The following CDK17 variants were observed in gnomAD, a reference collection of about 807,000 sequenced individuals.
CDK17 encodes cyclin-dependent kinase 17.
In CDK17, 24 loss-of-function variants were observed where a neutral mutation model predicts 77.6. The ratio of observed to expected loss-of-function variants is 0.31; its 90% CI spans 0.22 to 0.44. The LOEUF is 0.44. CDK17 is among the 20% of genes least tolerant of loss of function. CDK17 has a pLI of 1.00. For missense variants in CDK17, 429 were observed against 622.5 expected, an observed-to-expected ratio of 0.69 and a Z score of 3.31; for synonymous variants, 203 against 210.4, an observed-to-expected ratio of 0.96 and a Z score of 0.30.
chr12:96,373,834 C>T (rs752198753), intron 1 of CDK17, among the ~76,000 whole-genome samples: 5 of 151,686 alleles, frequency 3.3e-5, no homozygotes, highest in Admixed American at 6.6e-5. Flanking sequence ...GCAGGAGAAT[C>T]GCTTGAACCT....
At chr12:96,398,459 T>G (rs1199163901) in intron 1 of CDK17, among the ~76,000 whole-genome samples, 1 of 152,246 alleles carries the variant, frequency 6.6e-6, no homozygotes, top group Admixed American at 6.5e-5. Flanking sequence ...AAATCTAGTT[T>G]CGTCTTATTT....
chr12:96,357,210 C>A (rs565324883), intron 1 of CDK17, among the ~76,000 whole-genome samples: 5 of 152,132 alleles, frequency 3.3e-5, no homozygotes, highest in African/African-American at 9.7e-5. Flanking sequence ...GGCTATAATT[C>A]CAGCACTTTG....
intron 1 of CDK17, among the ~76,000 whole-genome samples, chr12:96,336,882 C>T (rs1013414236): frequency 2.0e-5 from 3 of 152,112 alleles, no homozygotes; most frequent in African/African-American, 4.8e-5. Context: ...ATTTTAAAGC[C>T]CCTGCTTTTA....
At chr12:96,355,996 T>C (rs1479033697) in intron 1 of CDK17, among the ~76,000 whole-genome samples, 1 of 152,190 alleles carries the variant, frequency 6.6e-6, no homozygotes, top group Admixed American at 6.5e-5. Context: ...TTTTCTCCTA[T>C]ATATTAAAAA....
chr12:96,322,869 A>T (rs1022119162), intron 3 of CDK17, among the ~76,000 whole-genome samples: 7 of 152,208 alleles, frequency 4.6e-5, no homozygotes, highest in Non-Finnish European at 8.8e-5. Context: ...TTTAACAATC[A>T]TCTCTTATGA....
Position 96,283,587 on chromosome 12 carries a change from G to T in CDK17, c.1365+16C>A. ...CTTAACAACCTATTTAACAATTACT[G>T]TAAGAACTGACTTACCTGAAGAAAT... On this transcript the variant is annotated intron_variant, in intron 14 of 16. Coordinates refer to ENST00000261211, the MANE Select transcript of CDK17 (RefSeq NM_002595.5). 3 of 1,534,790 alleles carry T rather than the reference G, an allele frequency of 2.0e-6. No individual in the cohort carries two copies. Among genetic ancestry groups the T allele is most frequent in the Non-Finnish European group, 2.7e-6 (3 of 1,110,180 alleles).
At chr12:96,357,677 T>A (rs1953420089) in intron 1 of CDK17, among the ~76,000 whole-genome samples, 2 of 152,134 alleles carry the variant, frequency 1.3e-5, no homozygotes. Flanking sequence ...CACTGAGAGG[T>A]TACACCTCTG....
Position 96,298,890 on chromosome 12 carries a change from G to T in CDK17, c.694C>A (p.Pro232Thr). ...ATACCTTCTCTTATAGCTGTGCAGG[G>T]TGCACCTTCTTCATGTTCCAATCGG... Reference protein sequence around the residue: ...EIRLEHEEGAPCTAIREVSLL... With the variant: ...EIRLEHEEGATCTAIREVSLL... The change falls in exon 7 of 17, where the codon CCC becomes ACC. Residue 232 changes from proline (P) to threonine (T), a missense_variant. Around this residue, in one of 4 missense-constraint regions of CDK17, gnomAD observed 262 missense variants for 385.4 expected, o/e 0.68. Transcript: ENST00000261211. 1 of 1,595,848 alleles carries T rather than the reference G, an allele frequency of 6.3e-7. No individual in the cohort carries two copies. The highest frequency in any genetic ancestry group is 8.6e-7 in the Non-Finnish European group (1 of 1,164,408).
intron 10 of CDK17, among the ~76,000 whole-genome samples, chr12:96,291,594 G>A (rs757247305): frequency 2.7e-5 from 4 of 150,648 alleles, no homozygotes; most frequent in Non-Finnish European, 4.4e-5. Context: ...CCCAGCCAAA[G>A]GTAAATTTTT....
intron 15 of CDK17, 68 bp downstream of exon 15, chr12:96,282,441 A>G (rs1382144095): frequency 1.3e-5 from 13 of 999,394 alleles, no homozygotes; most frequent in Middle Eastern, 2.1e-4. Context: ...CATCTCCCCA[A>G]TCACCCCAGA....
chr12:96,285,560 C>G (rs574875572), intron 13 of CDK17, among the ~76,000 whole-genome samples: 1 of 151,916 alleles, frequency 6.6e-6, no homozygotes, highest in Non-Finnish European at 1.5e-5. Flanking sequence ...TTATTGGGAG[C>G]CTTGGATTGA....
intron 2 of CDK17, among the ~76,000 whole-genome samples, chr12:96,326,607 A>G (rs535639550): frequency 7.0e-4 from 106 of 152,356 alleles, no homozygotes; most frequent in African/African-American, 2.4e-3. Flanking sequence ...CTTCAGAATC[A>G]TCAAGGATCT....
chr12:96,368,568 G>T (rs1953629011), intron 1 of CDK17, among the ~76,000 whole-genome samples: 1 of 152,100 alleles, frequency 6.6e-6, no homozygotes, highest in Non-Finnish European at 1.5e-5. Flanking sequence ...CAATCTTGTT[G>T]CCCCTCATTC....
intron 8 of CDK17, 24 bp downstream of exon 8, chr12:96,297,603 A>G: frequency 7.2e-7 from 1 of 1,386,698 alleles, no homozygotes; most frequent in Non-Finnish European, 1.0e-6. Context: ...AAAGTTAAAT[A>G]CTGAATTTTT....
At chr12:96,329,629 G>A (rs919211699) in intron 2 of CDK17, among the ~76,000 whole-genome samples, 3 of 151,962 alleles carry the variant, frequency 2.0e-5, no homozygotes, top group South Asian at 2.1e-4. Context: ...TGCCTTCAGC[G>A]TCAACCTTTC....
At chr12:96,338,784 T>A (rs199886844) in intron 1 of CDK17, among the ~76,000 whole-genome samples, 3 of 148,374 alleles carry the variant, frequency 2.0e-5, no homozygotes, top group Non-Finnish European at 4.5e-5. Context: ...TTTTTTTTTT[T>A]AATTTTTAAA....
intron 1 of CDK17, among the ~76,000 whole-genome samples, chr12:96,384,379 C>G (rs1302502046): frequency 1.3e-5 from 2 of 152,118 alleles, no homozygotes; most frequent in Non-Finnish European, 2.9e-5. Context: ...ACTGAACTAC[C>G]ATTCAATTCA....
chr12:96,357,243 C>T (rs1048477019), intron 1 of CDK17, among the ~76,000 whole-genome samples: 10 of 148,136 alleles, frequency 6.8e-5, no homozygotes, highest in African/African-American at 2.2e-4. Flanking sequence ...AGGAGCATCT[C>T]GAGGCCAGGA....
At chr12:96,385,709 T>C (rs1002031118) in intron 1 of CDK17, among the ~76,000 whole-genome samples, 2 of 152,144 alleles carry the variant, frequency 1.3e-5, no homozygotes, top group South Asian at 4.1e-4. Context: ...TATTTGAAAA[T>C]AGTAACCACT....
Sources: gnomAD v4.1 joint callset for allele counts (sites outside exome capture counted in the v4.1 genomes callset) on GRCh38, gnomAD v4.1.1 for gene constraint, gnomAD v4.1.1 regional missense constraint, MANE v1.5 for transcripts, NCBI Gene and HGNC (gene_info 2026-07-23, HGNC 2026-07-21) for gene names.